TRERF1: variants seen among roughly 807,000 people sequenced by gnomAD.
TRERF1 encodes the protein transcriptional regulating factor 1, also known as transcriptional-regulating factor 1.
TRERF1 carries 27 observed loss-of-function variants against 122.9 expected under a neutral mutation model. The ratio of observed to expected loss-of-function variants is 0.22; its 90% CI spans 0.16 to 0.30. The LOEUF (loss-of-function observed/expected upper bound fraction) is 0.30. Ranked by LOEUF, TRERF1 falls within the 10% of genes least tolerant of loss-of-function variation. The probability of loss-of-function intolerance (pLI) is 1.00; values close to 1 mark genes in which losing one functional copy is unlikely to be tolerated. For missense variants in TRERF1, 1,248 were observed against 1,560.3 expected (o/e 0.80, Z 3.37); for synonymous variants, 636 against 641.7 (o/e 0.99, Z 0.13).
At chr6:42,411,781 A>G (rs938933904) in intron 2 of TRERF1, among the ~76,000 whole-genome samples, 3 of 152,110 alleles carry the variant, frequency 2.0e-5, no homozygotes, top group African/African-American at 7.2e-5. Context: ...CAGGCTTCCC[A>G]CCATGGGCAA....
rs532455368 is a variant in TRERF1 at position 42,343,578 on chromosome 6, C to T, written c.-371+19419G>A. On this transcript the variant is annotated intron_variant, in intron 3 of 17. Transcript: ENST00000372922. ...CTCTAGACACTGGTCCTCCCAACCCCCTTCAGGCCACAGGTCCTTTGAAGT... is the reference window on the plus strand; with the variant it reads ...CTCTAGACACTGGTCCTCCCAACCCTCTTCAGGCCACAGGTCCTTTGAAGT... Among the ~76,000 whole-genome samples, 14 of 152,280 alleles carry T rather than the reference C, an allele frequency of 9.2e-5. No homozygotes were observed. In the South Asian group the frequency reaches 2.9e-3, roughly 32 times the overall value.
chr6:42,415,086 TC>T (rs1436270465), intron 2 of TRERF1, among the ~76,000 whole-genome samples: 13 of 152,214 alleles, frequency 8.5e-5, no homozygotes, highest in African/African-American at 3.1e-4. Flanking sequence ...TTTGATCTCT[TC>T]CAATCTGATA....
chr6:42,225,038 A>C (rs1240171805), downstream of TRERF1: 1 of 152,134 alleles, frequency 6.6e-6, no homozygotes, highest in East Asian at 1.9e-4. Context: ...CCATTTGATG[A>C]ATGCCCATCT....
intron 2 of TRERF1, among the ~76,000 whole-genome samples, chr6:42,379,977 G>C (rs187422984): frequency 6.6e-6 from 1 of 152,208 alleles, no homozygotes. Context: ...GGTGATAAAG[G>C]CTCTAGAGAA....
intron 4 of TRERF1, among the ~76,000 whole-genome samples, chr6:42,270,531 A>C (rs1417563626): frequency 6.6e-6 from 1 of 152,230 alleles, no homozygotes; most frequent in Non-Finnish European, 1.5e-5. Context: ...ACTGTAAGGC[A>C]CAATGCGGAG....
chr6:42,258,482 C>T (rs1198130235), intron 9 of TRERF1, among the ~76,000 whole-genome samples: 5 of 152,188 alleles, frequency 3.3e-5, no homozygotes, highest in Non-Finnish European at 5.9e-5. Context: ...GAAAGAGATC[C>T]TAGCCTCTCT....
chr6:42,414,666 AC>A (rs1483824094), intron 2 of TRERF1, among the ~76,000 whole-genome samples: 1 of 152,254 alleles, frequency 6.6e-6, no homozygotes, highest in Non-Finnish European at 1.5e-5. Context: ...AATACACAAA[AC>A]TGAAACAAAA....
chr6:42,446,871 G>A (rs1490483118), intron 2 of TRERF1, among the ~76,000 whole-genome samples: 2 of 152,180 alleles, frequency 1.3e-5, no homozygotes, highest in East Asian at 3.9e-4. Flanking sequence ...TGGGCATGGT[G>A]GTGCACGCCT....
chr6:42,374,122 ACT>A (rs1489682946), intron 2 of TRERF1, among the ~76,000 whole-genome samples: 2 of 145,346 alleles, frequency 1.4e-5, no homozygotes, highest in Admixed American at 1.4e-4. Context: ...ACAAAGTGAG[ACT>A]CTGTCTTTTT....
chr6:42,317,307 T>C (rs1762660068), intron 3 of TRERF1, among the ~76,000 whole-genome samples: 2 of 151,998 alleles, frequency 1.3e-5, no homozygotes, highest in Admixed American at 1.3e-4. Flanking sequence ...ACCTGTTGGG[T>C]AATTATACCC....
intron 3 of TRERF1, among the ~76,000 whole-genome samples, chr6:42,317,669 C>T (rs1473095269): frequency 6.6e-6 from 1 of 151,044 alleles, no homozygotes; most frequent in Non-Finnish European, 1.5e-5. Context: ...TTTAAAATAA[C>T]AGTCTTCTCC....
At chr6:42,396,913 A>G (rs1778688608) in intron 2 of TRERF1, among the ~76,000 whole-genome samples, 1 of 152,118 alleles carries the variant, frequency 6.6e-6, no homozygotes, top group African/African-American at 2.4e-5. Context: ...ACCCATACAC[A>G]CACCCTGAAG....
intron 2 of TRERF1, among the ~76,000 whole-genome samples, chr6:42,382,141 T>A (rs1776046890): frequency 6.6e-6 from 1 of 151,438 alleles, no homozygotes; most frequent in African/African-American, 2.4e-5. Context: ...CCAAGTGTGG[T>A]ACCCAAATCC....
chr6:42,257,242 T>C, intron 10 of TRERF1, 140 bp from the exon 11 acceptor site: 1 of 1,060,634 alleles, frequency 9.4e-7, no homozygotes, highest in Admixed American at 2.4e-5. Context: ...AGTGTGACCC[T>C]AAGATTCCAC....
At chr6:42,332,280 C>G (rs749794332) in intron 3 of TRERF1, among the ~76,000 whole-genome samples, 3 of 152,264 alleles carry the variant, frequency 2.0e-5, no homozygotes, top group Non-Finnish European at 4.4e-5. Flanking sequence ...GCCTTGCAAA[C>G]AAGAGGCCCT....
chr6:42,431,808 G>C (rs1784544791), intron 2 of TRERF1, among the ~76,000 whole-genome samples: 1 of 151,928 alleles, frequency 6.6e-6, no homozygotes, highest in Non-Finnish European at 1.5e-5. Flanking sequence ...CCATGTCTGA[G>C]ACCAGGTCCC....
chr6:42,388,402 CA>C (rs1198284647), intron 2 of TRERF1, among the ~76,000 whole-genome samples: 1 of 152,202 alleles, frequency 6.6e-6, no homozygotes, highest in East Asian at 1.9e-4. Context: ...AGCACACTTA[CA>C]CAGTCTCAAC....
intron 3 of TRERF1, among the ~76,000 whole-genome samples, chr6:42,344,059 A>G (rs1767809820): frequency 6.6e-6 from 1 of 152,232 alleles, no homozygotes; most frequent in Non-Finnish European, 1.5e-5. Context: ...TTGGAGGCCA[A>G]CGCTTCCTGG....
intron 3 of TRERF1, among the ~76,000 whole-genome samples, chr6:42,342,815 C>T (rs779197540): frequency 3.3e-5 from 5 of 152,236 alleles, no homozygotes; most frequent in Admixed American, 2.0e-4. Flanking sequence ...TTGGAAACCA[C>T]ATGGTGGCCC....
Sources: allele counts gnomAD v4.1 joint callset (sites outside exome capture counted in the v4.1 genomes callset), GRCh38; gene constraint gnomAD v4.1.1; transcripts MANE v1.5; gene names NCBI Gene and HGNC (gene_info 2026-07-23, HGNC 2026-07-21).